REDIC1: variants seen among roughly 807,000 people sequenced by gnomAD.
REDIC1 encodes the protein HEI10 Interacting Protein 1.
At chr12:39,630,210 T>C in the REDIC1 span, among the ~76,000 whole-genome samples, 1 of 152,332 alleles carries the variant, frequency 6.6e-6, no homozygotes, top group African/African-American at 2.4e-5. Context: ...ACCTCAGATA[T>C]GAAGGTGGTA....
the REDIC1 span, among the ~76,000 whole-genome samples, chr12:39,676,287 C>T: frequency 6.6e-6 from 1 of 151,226 alleles, no homozygotes; most frequent in Non-Finnish European, 1.5e-5. Context: ...GAAAGATGCA[C>T]TTAGAGAAAT....
At chr12:39,741,311 C>T in the REDIC1 span, among the ~76,000 whole-genome samples, 1,950 of 152,220 alleles carry the variant, frequency 0.013, 24 homozygotes, top group East Asian at 0.041. Context: ...AAAAAAATAA[C>T]TTACATAGAG....
the REDIC1 span, among the ~76,000 whole-genome samples, chr12:39,713,995 G>A: frequency 2.1e-5 from 1 of 48,572 alleles, no homozygotes; most frequent in African/African-American, 6.0e-5. Context: ...ATACATGTAT[G>A]TACACCTATG....
the REDIC1 span, among the ~76,000 whole-genome samples, chr12:39,835,446 C>T: frequency 1.3e-5 from 2 of 152,034 alleles, no homozygotes; most frequent in Non-Finnish European, 2.9e-5. Flanking sequence ...AGAAACTTTA[C>T]ATTTATAAGA....
chr12:39,904,256 G>A, the REDIC1 span, among the ~76,000 whole-genome samples: 2 of 152,238 alleles, frequency 1.3e-5, no homozygotes, highest in East Asian at 1.9e-4. Context: ...GGGGCTAGTC[G>A]TAGAAGCACC....
chr12:39,904,343 T>A, the REDIC1 span, among the ~76,000 whole-genome samples: 7 of 152,152 alleles, frequency 4.6e-5, no homozygotes, highest in Admixed American at 2.6e-4. Flanking sequence ...AGTGAACCAC[T>A]CTTGCCATTT....
At chr12:39,769,297 A>G in the REDIC1 span, among the ~76,000 whole-genome samples, 1 of 152,098 alleles carries the variant, frequency 6.6e-6, no homozygotes, top group Non-Finnish European at 1.5e-5. Context: ...CTATGTGACG[A>G]ACTTACCTCC....
the REDIC1 span, among the ~76,000 whole-genome samples, chr12:39,746,885 C>A: frequency 2.0e-5 from 3 of 152,186 alleles, no homozygotes; most frequent in African/African-American, 7.2e-5. Context: ...AGAAGGAAAA[C>A]TAAGAAACAG....
At chr12:39,841,283 A>G in the REDIC1 span, among the ~76,000 whole-genome samples, 3 of 152,262 alleles carry the variant, frequency 2.0e-5, no homozygotes, top group Non-Finnish European at 4.4e-5. Context: ...GCGATTTAAC[A>G]TATATTGGTA....
chr12:39,900,809 G>GAACAAGAAAGGGCA, the REDIC1 span, among the ~76,000 whole-genome samples: 1 of 152,178 alleles, frequency 6.6e-6, no homozygotes, highest in African/African-American at 2.4e-5. Flanking sequence ...GGCTACCAAT[G>GAACAAGAAAGGGCA]ACTTTCTTCA....
At chr12:39,628,276 A>G in the REDIC1 span, among the ~76,000 whole-genome samples, 1 of 152,160 alleles carries the variant, frequency 6.6e-6, no homozygotes, top group Non-Finnish European at 1.5e-5. Flanking sequence ...TTCTTAGGGT[A>G]AAGCCCCAGA....
chr12:39,662,067 A>T, the REDIC1 span, among the ~76,000 whole-genome samples: 1 of 152,036 alleles, frequency 6.6e-6, no homozygotes, highest in African/African-American at 2.4e-5. Flanking sequence ...TATATTTTGA[A>T]GTTGGGTAGT....
At chr12:39,684,284 T>G in the REDIC1 span, 2 of 959,962 alleles carry the variant, frequency 2.1e-6, no homozygotes, top group Non-Finnish European at 2.5e-6. Flanking sequence ...AGCTAGTAGT[T>G]TCTAGCTAAA....
chr12:39,669,651 G>T, the REDIC1 span, among the ~76,000 whole-genome samples: 1 of 152,236 alleles, frequency 6.6e-6, no homozygotes, highest in Admixed American at 6.5e-5. Context: ...GCCCCCAGAG[G>T]TGGAGTCTAC....
chr12:39,830,089 A>C, the REDIC1 span: 1 of 1,613,368 alleles, frequency 6.2e-7, no homozygotes. Flanking sequence ...CGTATGGTAA[A>C]ATGAGTGATA....
At chr12:39,694,083 G>A in the REDIC1 span, among the ~76,000 whole-genome samples, 2 of 152,140 alleles carry the variant, frequency 1.3e-5, no homozygotes, top group Non-Finnish European at 1.5e-5. Context: ...GGCTATTTGC[G>A]ATTCTTTTTC....
the REDIC1 span, among the ~76,000 whole-genome samples, chr12:39,733,470 G>T: frequency 6.6e-6 from 1 of 151,716 alleles, no homozygotes; most frequent in Non-Finnish European, 1.5e-5. Flanking sequence ...CAAATTCTTT[G>T]TCTTTTTTAA....
the REDIC1 span, among the ~76,000 whole-genome samples, chr12:39,699,767 T>G: frequency 6.6e-6 from 1 of 152,146 alleles, no homozygotes; most frequent in Non-Finnish European, 1.5e-5. Flanking sequence ...GAATGCCTCC[T>G]CAAGTGGGTC....
chr12:39,900,338 C>A, the REDIC1 span, among the ~76,000 whole-genome samples: 1 of 152,052 alleles, frequency 6.6e-6, no homozygotes, highest in African/African-American at 2.4e-5. Flanking sequence ...AAGTTCTGGC[C>A]AGGGCGATTA....
Sources: allele counts gnomAD v4.1 joint callset (sites outside exome capture counted in the v4.1 genomes callset), GRCh38; gene constraint gnomAD v4.1.1; transcripts MANE v1.5; gene names NCBI Gene and HGNC (gene_info 2026-07-23, HGNC 2026-07-21).